Variants in COP1 observed in about 807,000 individuals in gnomAD.
COP1 encodes the protein E3 ubiquitin-protein ligase COP1.
COP1 carries 24 observed loss-of-function variants against 101.3 expected under a neutral mutation model. The ratio of observed to expected loss-of-function variants is 0.24; its 90% CI spans 0.17 to 0.33. The LOEUF is 0.33. COP1 is among the 10% of genes least tolerant of loss of function. The pLI is 1.00. For synonymous variants in COP1, 347 were observed against 341.9 expected (o/e 1.01, Z -0.17); for missense variants, 663 against 906.2 (o/e 0.73, Z 3.45).
intron 6 of COP1, among the ~76,000 whole-genome samples, chr1:176,148,382 AG>A (rs1691906013): frequency 6.6e-6 from 1 of 151,814 alleles, no homozygotes. Context: ...GGTTCCAGCC[AG>A]TTAGAAATTT....
At chr1:176,155,387 C>T (rs1693292225) in intron 5 of COP1, among the ~76,000 whole-genome samples, 2 of 151,604 alleles carry the variant, frequency 1.3e-5, no homozygotes, top group Non-Finnish European at 2.9e-5. Flanking sequence ...AAGAGCAAAG[C>T]AGACATAGCA....
At chr1:176,084,849 A>G (rs1679836147) in intron 10 of COP1, among the ~76,000 whole-genome samples, 1 of 66,676 alleles carries the variant, frequency 1.5e-5, no homozygotes, top group Admixed American at 1.7e-4. Flanking sequence ...AAAATACCAG[A>G]CTTTTTTTTT....
At chr1:176,136,708 T>C (rs1477492981) in intron 6 of COP1, among the ~76,000 whole-genome samples, 161 bp from the exon 7 acceptor site, 3 of 152,074 alleles carry the variant, frequency 2.0e-5, no homozygotes, top group Non-Finnish European at 2.9e-5. Context: ...CAACAAAATA[T>C]AGCTAGAAGT....
At chr1:176,049,128 C>T (rs1357298950) in intron 11 of COP1, among the ~76,000 whole-genome samples, 6 of 146,644 alleles carry the variant, frequency 4.1e-5, no homozygotes, top group Middle Eastern at 3.5e-3. Context: ...GCCGAGATTG[C>T]GCCATTGCAG....
intron 9 of COP1, among the ~76,000 whole-genome samples, chr1:176,113,715 T>C (rs748160868): frequency 6.6e-6 from 1 of 152,166 alleles, no homozygotes; most frequent in Non-Finnish European, 1.5e-5. Context: ...GATGGCTCAG[T>C]AAGACAGTGT....
At chr1:175,980,704 A>G (rs1409646982) in intron 18 of COP1, among the ~76,000 whole-genome samples, 1 of 152,052 alleles carries the variant, frequency 6.6e-6, no homozygotes, top group African/African-American at 2.4e-5. Context: ...GCCTGAGGAT[A>G]GAGTGTACTT....
chr1:176,045,527 A>T (rs1263404607), intron 12 of COP1, among the ~76,000 whole-genome samples: 1 of 150,152 alleles, frequency 6.7e-6, no homozygotes, highest in Non-Finnish European at 1.5e-5. Flanking sequence ...TCCTCATATA[A>T]TTCTCTTTTA....
intron 14 of COP1, among the ~76,000 whole-genome samples, chr1:176,028,776 G>T (rs1668171935): frequency 7.5e-6 from 1 of 133,174 alleles, no homozygotes; most frequent in Non-Finnish European, 1.6e-5. Context: ...TTTGAGACAG[G>T]TTCTCCTCAC....
At chr1:176,147,531 T>G (rs188096229) in intron 6 of COP1, among the ~76,000 whole-genome samples, 36 of 152,254 alleles carry the variant, frequency 2.4e-4, no homozygotes, top group Non-Finnish European at 1.0e-4. Context: ...CAGAAGTATT[T>G]GGAACTAGTA....
At chr1:176,093,784 G>A (rs1392058546) in intron 9 of COP1, among the ~76,000 whole-genome samples, 2 of 151,906 alleles carry the variant, frequency 1.3e-5, no homozygotes, top group Non-Finnish European at 2.9e-5. Flanking sequence ...AGCCTGCAGT[G>A]AGCCGAGATC....
chr1:176,041,861 C>T (rs1670603342), intron 14 of COP1, among the ~76,000 whole-genome samples: 1 of 152,052 alleles, frequency 6.6e-6, no homozygotes, highest in African/African-American at 2.4e-5. Context: ...CATCTGTAAT[C>T]CTAGCACTTT....
chr1:176,130,562 T>A (rs910767818), intron 8 of COP1, among the ~76,000 whole-genome samples: 1 of 151,796 alleles, frequency 6.6e-6, no homozygotes, highest in African/African-American at 2.4e-5. Flanking sequence ...TCAACTGATA[T>A]ATTTTTTTAA....
intron 11 of COP1, among the ~76,000 whole-genome samples, chr1:176,055,384 G>A (rs1264442416): frequency 1.3e-5 from 2 of 152,264 alleles, no homozygotes; most frequent in African/African-American, 2.4e-5. Context: ...GCAGTAAGCC[G>A]AGATCGCACC....
chr1:175,990,602 A>G (rs1214025515), intron 15 of COP1, among the ~76,000 whole-genome samples: 2 of 152,196 alleles, frequency 1.3e-5, no homozygotes, highest in African/African-American at 4.8e-5. Flanking sequence ...CTTCAGTCAA[A>G]ATATCTGTTT....
intron 8 of COP1, among the ~76,000 whole-genome samples, chr1:176,128,143 T>C (rs539476455): frequency 1.3e-5 from 2 of 152,202 alleles, no homozygotes; most frequent in South Asian, 2.1e-4. Flanking sequence ...TAATCCAATA[T>C]ATGATTTACA....
chr1:176,189,939 G>A (rs981699813), intron 1 of COP1, among the ~76,000 whole-genome samples: 4 of 151,242 alleles, frequency 2.6e-5, no homozygotes, highest in African/African-American at 9.7e-5. Context: ...TTAAAAGGGA[G>A]GTTAAAAAAA....
At chr1:176,133,171 CACACATACGTATATACGTACGTAT>C (rs1689192848) in intron 8 of COP1, among the ~76,000 whole-genome samples, 1 of 119,170 alleles carries the variant, frequency 8.4e-6, no homozygotes, top group Non-Finnish European at 2.0e-5. Context: ...TACGTATGTA[CACACATACGTATATACGTACGTAT>C]ATGTACGTAT....
At chr1:176,191,551 A>G (rs1572775566) in intron 1 of COP1, among the ~76,000 whole-genome samples, 2 of 151,964 alleles carry the variant, frequency 1.3e-5, no homozygotes, top group South Asian at 2.1e-4. Flanking sequence ...ACTGGCCCCA[A>G]GTATATTCAG....
At chr1:176,149,506 C>T (rs1692086389) in intron 5 of COP1, among the ~76,000 whole-genome samples, 1 of 152,088 alleles carries the variant, frequency 6.6e-6, no homozygotes, top group South Asian at 2.1e-4. Context: ...TAAACCTATA[C>T]CTTTCACAAG....
Sources: allele counts gnomAD v4.1 joint callset (sites outside exome capture counted in the v4.1 genomes callset), GRCh38; gene constraint gnomAD v4.1.1; transcripts MANE v1.5; gene names NCBI Gene and HGNC (gene_info 2026-07-23, HGNC 2026-07-21).